The following FAM13A variants were observed in gnomAD, a reference collection of about 807,000 sequenced individuals.
FAM13A encodes protein FAM13A.
In FAM13A, 76 loss-of-function variants were observed where a neutral mutation model predicts 129.6. The observed-to-expected ratio is 0.59, with a 90% CI of 0.49 to 0.71. The LOEUF is 0.71. Ranked by LOEUF, FAM13A falls within the 30% of genes least tolerant of loss-of-function variation. FAM13A has a pLI of 0.00. For missense variants in FAM13A, 1,108 were observed against 1,249.3 expected (o/e 0.89, Z 1.70); for synonymous variants, 443 against 449.9 (o/e 0.98, Z 0.20).
At position 88,856,278 on chromosome 4, in the gene FAM13A, G is replaced by A. The variant is rs80110594; in HGVS notation, c.844-5095C>T. Among the ~76,000 whole-genome samples, 505 of 151,934 alleles carry A rather than the reference G, an allele frequency of 3.3e-3. 2 individuals are homozygous for A. The highest frequency in any genetic ancestry group is 0.01 in the African/African-American group (417 of 41,406). On this transcript the variant is annotated intron_variant, in intron 6 of 23. Coordinates refer to ENST00000264344, the MANE Select transcript of FAM13A (RefSeq NM_014883.4). ...GGGGATTGCTTGAGACCAGGAGGTC[G>A]AGACAAGCCTCAGTGACATAATGAG...
chr4:88,824,389 A>G (rs1445362352), intron 7 of FAM13A, among the ~76,000 whole-genome samples: 4 of 152,188 alleles, frequency 2.6e-5, no homozygotes, highest in Non-Finnish European at 5.9e-5. Context: ...TTATTATAAG[A>G]CATCTGCTTT....
intron 7 of FAM13A, among the ~76,000 whole-genome samples, chr4:88,847,296 T>C (rs574250058): frequency 2.0e-5 from 3 of 152,130 alleles, no homozygotes; most frequent in East Asian, 3.9e-4. Flanking sequence ...GGTGGTTAGA[T>C]TGGTGGATCG....
At chr4:88,952,331 T>C (rs1020645604) in intron 4 of FAM13A, among the ~76,000 whole-genome samples, 11 of 151,968 alleles carry the variant, frequency 7.2e-5, no homozygotes, top group Admixed American at 2.0e-4. Flanking sequence ...AAAGAAAAAC[T>C]TGCCTCCTTC....
intron 7 of FAM13A, among the ~76,000 whole-genome samples, chr4:88,819,051 C>T (rs975884054): frequency 1.3e-5 from 2 of 152,158 alleles, no homozygotes; most frequent in African/African-American, 4.8e-5. Flanking sequence ...GTCACTAATA[C>T]ATGTTTATTA....
intron 5 of FAM13A, among the ~76,000 whole-genome samples, chr4:88,921,194 C>A (rs1219024397): frequency 5.3e-5 from 8 of 151,858 alleles, no homozygotes; most frequent in Non-Finnish European, 8.8e-5. Flanking sequence ...TCAGGAAATA[C>A]AGAGAACGCC....
At chr4:88,752,935 G>A (rs775551753) in intron 14 of FAM13A, among the ~76,000 whole-genome samples, 3 of 152,204 alleles carry the variant, frequency 2.0e-5, no homozygotes, top group Non-Finnish European at 4.4e-5. Context: ...TAAGCTCACC[G>A]CAGAGTGGCA....
chr4:88,962,396 T>C (rs1758753183), intron 4 of FAM13A, among the ~76,000 whole-genome samples: 1 of 152,132 alleles, frequency 6.6e-6, no homozygotes, highest in South Asian at 2.1e-4. Context: ...CAATTCAAGG[T>C]CTGTGAAAGT....
intron 3 of FAM13A, among the ~76,000 whole-genome samples, chr4:89,013,590 T>A (rs1766036940): frequency 6.6e-6 from 1 of 152,108 alleles, no homozygotes; most frequent in South Asian, 2.1e-4. Flanking sequence ...AAATTCCTAT[T>A]GCCCAGTGAT....
intron 7 of FAM13A, among the ~76,000 whole-genome samples, chr4:88,830,667 AATCT>A (rs992991557): frequency 3.0e-4 from 46 of 152,306 alleles, no homozygotes; most frequent in African/African-American, 1.0e-3. Context: ...ACTTCATTAA[AATCT>A]ATCTGAGTAG....
intron 5 of FAM13A, among the ~76,000 whole-genome samples, chr4:88,909,523 T>C (rs1748699731): frequency 1.3e-5 from 2 of 151,986 alleles, no homozygotes; most frequent in South Asian, 4.1e-4. Flanking sequence ...AGTCTCGCTC[T>C]GTTGCCAGGC....
intron 4 of FAM13A, among the ~76,000 whole-genome samples, chr4:88,943,119 T>C (rs1755062458): frequency 6.6e-6 from 1 of 152,234 alleles, no homozygotes; most frequent in Non-Finnish European, 1.5e-5. Context: ...AATGAATGAC[T>C]ATTATTCACA....
chr4:88,900,880 T>C (rs1189587593), intron 6 of FAM13A, among the ~76,000 whole-genome samples: 1 of 152,080 alleles, frequency 6.6e-6, no homozygotes, highest in Non-Finnish European at 1.5e-5. Flanking sequence ...GACCCATCAG[T>C]ATGCTGTCTT....
chr4:88,992,926 G>GA (rs10656188), intron 3 of FAM13A, among the ~76,000 whole-genome samples: 1 of 151,622 alleles, frequency 6.6e-6, no homozygotes, highest in East Asian at 1.9e-4. Context: ...GTTAAGTGAA[G>GA]AACAGAAAAA....
At position 88,747,523 on chromosome 4, in the gene FAM13A, G is replaced by A. The variant is rs1417681399; in HGVS notation, c.2382+108C>T. 1.0e-5 allele frequency: 9 copies of A among 882,494 alleles called. No individual in the cohort carries two copies. In the East Asian group the frequency reaches 1.5e-4, roughly 14 times the overall value. The allele number at this position is 882,494 out of a possible 1,614,324, so 54.7% of individuals were successfully genotyped here. On this transcript the variant is annotated intron_variant, in intron 18 of 23. Transcript: ENST00000264344. The stretch of plus-strand genomic sequence containing the variant: ...TCCCTAGACACGTAACAGCCTGGAA[G>A]GCTTAACAAGGCATCATCTTCCCAC...
At chr4:88,836,510 A>T (rs1361997028) in intron 7 of FAM13A, among the ~76,000 whole-genome samples, 1 of 152,232 alleles carries the variant, frequency 6.6e-6, no homozygotes, top group Admixed American at 6.5e-5. Context: ...ATGAATGTAC[A>T]GTCAAGCTTT....
At chr4:88,909,228 A>T (rs1345883644) in intron 5 of FAM13A, among the ~76,000 whole-genome samples, 3 of 152,200 alleles carry the variant, frequency 2.0e-5, no homozygotes, top group Non-Finnish European at 2.9e-5. Context: ...TAAACAAGAC[A>T]TGGTATAGTC....
chr4:88,974,601 C>A (rs148306063), intron 4 of FAM13A, among the ~76,000 whole-genome samples: 1 of 151,964 alleles, frequency 6.6e-6, no homozygotes, highest in South Asian at 2.1e-4. Context: ...CTCAGCCTCC[C>A]GAGTAGCTGG....
intron 3 of FAM13A, among the ~76,000 whole-genome samples, chr4:89,001,140 T>G (rs932513594): frequency 6.6e-6 from 1 of 152,226 alleles, no homozygotes; most frequent in African/African-American, 2.4e-5. Flanking sequence ...TCTAGTTATA[T>G]CAGGACCTAC....
chr4:88,973,812 C>T (rs1468635067), intron 4 of FAM13A, among the ~76,000 whole-genome samples: 1 of 152,086 alleles, frequency 6.6e-6, no homozygotes, highest in Non-Finnish European at 1.5e-5. Context: ...TCTACAGCCC[C>T]ATGATTAGGT....
Sources: allele counts gnomAD v4.1 joint callset (sites outside exome capture counted in the v4.1 genomes callset), GRCh38; gene constraint gnomAD v4.1.1; transcripts MANE v1.5; gene names NCBI Gene and HGNC (gene_info 2026-07-23, HGNC 2026-07-21).